NF1: variants seen among roughly 807,000 people sequenced by gnomAD.
NF1 encodes neurofibromin.
NF1 carries 122 observed loss-of-function variants against 325.7 expected under a neutral mutation model. That is an observed-to-expected ratio of 0.37 (90% CI 0.32 to 0.44). NF1 has a LOEUF of 0.44. Among genes scored for constraint, NF1 ranks in the 20% least tolerant of loss-of-function variants. The pLI is 1.00. For missense variants in NF1, 2,140 were observed against 3,415.4 expected, an observed-to-expected ratio of 0.63 and a Z score of 9.31; for synonymous variants, 1,091 against 1,186.0, an observed-to-expected ratio of 0.92 and a Z score of 1.65.
chr17:31,161,086 A>G (rs539919955), intron 3 of NF1, among the ~76,000 whole-genome samples: 18 of 152,344 alleles, frequency 1.2e-4, no homozygotes, highest in Middle Eastern at 6.8e-3. Context: ...CGGAGCTCAC[A>G]AGTATACGTT....
intron 29 of NF1, among the ~76,000 whole-genome samples, chr17:31,241,284 TG>T (rs2067292168): frequency 6.6e-6 from 1 of 152,198 alleles, no homozygotes; most frequent in African/African-American, 2.4e-5. Context: ...TATTTTTGTT[TG>T]TTTTTAATCC....
At chr17:31,249,939 GTCTC>G (rs935988369) in intron 30 of NF1, 8 of 487,192 alleles carry the variant, frequency 1.6e-5, no homozygotes, top group Non-Finnish European at 2.4e-5. Flanking sequence ...ATGTCTTTGT[GTCTC>G]TCTCTTTGCA....
At chr17:31,291,727 G>A (rs1216732533) in intron 36 of NF1, among the ~76,000 whole-genome samples, 1 of 152,188 alleles carries the variant, frequency 6.6e-6, no homozygotes, top group African/African-American at 2.4e-5. Flanking sequence ...GCACATATTT[G>A]TGATCTTTTA....
chr17:31,192,682 G>C (rs771508713), intron 8 of NF1, among the ~76,000 whole-genome samples: 1 of 152,230 alleles, frequency 6.6e-6, no homozygotes, highest in Non-Finnish European at 1.5e-5. Flanking sequence ...TCTATAGAAT[G>C]TGGATGTTTT....
In NF1 at chr17:31,337,815, T is replaced by C. The variant is rs1555534908; in HGVS notation, c.6643-4T>C. 6.2e-7 allele frequency: 1 copy of C among 1,613,732 alleles called. No homozygotes were observed. Among genetic ancestry groups the C allele is most frequent in the Non-Finnish European group, 8.5e-7 (1 of 1,179,692 alleles). ...ATATGTATTCAGAGTATCCCCTTTT[T>C]TAGGCATGCATGAGAGATATTCCAA... On this transcript the variant is annotated splice_region_variant and splice_polypyrimidine_tract_variant and intron_variant, in intron 43 of 57. Coordinates refer to ENST00000358273, the MANE Select transcript of NF1 (RefSeq NM_001042492.3).
chr17:31,245,275 G>T (rs2067370932), intron 29 of NF1, among the ~76,000 whole-genome samples: 1 of 152,164 alleles, frequency 6.6e-6, no homozygotes, highest in African/African-American at 2.4e-5. Flanking sequence ...TGTTCTCCCT[G>T]CATATAATCC....
At chr17:31,126,157 C>T (rs1415701773) in intron 1 of NF1, among the ~76,000 whole-genome samples, 1 of 151,822 alleles carries the variant, frequency 6.6e-6, no homozygotes, top group African/African-American at 2.4e-5. Context: ...CATTGCACTC[C>T]AGCCTGGGCA....
intron 1 of NF1, among the ~76,000 whole-genome samples, chr17:31,127,144 C>T (rs772628901): frequency 6.6e-6 from 1 of 150,712 alleles, no homozygotes; most frequent in South Asian, 2.1e-4. Context: ...GTTCGGCTCT[C>T]TCCTCTAGTG....
chr17:31,318,977 G>A, intron 36 of NF1: 1 of 1,612,328 alleles, frequency 6.2e-7, no homozygotes, highest in South Asian at 1.1e-5. Context: ...AAGGCAAGAT[G>A]TAGGTAATGT....
intron 36 of NF1, among the ~76,000 whole-genome samples, chr17:31,297,890 A>G (rs2068499212): frequency 6.6e-6 from 1 of 152,194 alleles, no homozygotes; most frequent in Non-Finnish European, 1.5e-5. Flanking sequence ...CATTTGACCA[A>G]GGCTACACAC....
At chr17:31,132,825 C>G (rs952258067) in intron 1 of NF1, among the ~76,000 whole-genome samples, 11 of 151,936 alleles carry the variant, frequency 7.2e-5, no homozygotes, top group African/African-American at 2.2e-4. Flanking sequence ...CGCCACCATG[C>G]CCGGCTAATT....
intron 1 of NF1, chr17:31,138,137 T>C (rs1021218166): frequency 6.6e-6 from 1 of 152,144 alleles, no homozygotes; most frequent in Non-Finnish European, 1.5e-5. Flanking sequence ...ATTTTTTTCT[T>C]TTTTTCACAT....
At chr17:31,318,401 G>T (rs994396487) in intron 36 of NF1, 1 of 1,613,946 alleles carries the variant, frequency 6.2e-7, no homozygotes, top group Non-Finnish European at 8.5e-7. Context: ...ACTAGGTTGG[G>T]TCCTGTGAGC....
chr17:31,239,794 C>T (rs1363221541), intron 29 of NF1, among the ~76,000 whole-genome samples: 9 of 152,108 alleles, frequency 5.9e-5, no homozygotes, highest in Admixed American at 5.9e-4. Flanking sequence ...CAGAGTTTCA[C>T]TCTTGTCGCC....
chr17:31,186,963 T>C (rs758606889), intron 8 of NF1, among the ~76,000 whole-genome samples: 1 of 152,244 alleles, frequency 6.6e-6, no homozygotes, highest in Non-Finnish European at 1.5e-5. Context: ...GTTGATTATA[T>C]TGGACCTCTT....
Position 31,375,344 on chromosome 17 carries a change from T to A in NF1, c.*1189T>A. 1 of 230,536 alleles carries A rather than the reference T, an allele frequency of 4.3e-6. No homozygotes were observed. The highest frequency in any genetic ancestry group is 8.6e-6 in the Non-Finnish European group (1 of 116,098). 14.3% of individuals were successfully genotyped at this position (230,536 alleles called of 1,614,324 possible). ...GTAGGTTATATATGCTAGAATTGCA[T>A]TTAATCACTGTGAAAAGACTGGTCA... On this transcript the variant is annotated 3_prime_UTR_variant, in exon 58 of 58. Transcript: ENST00000358273.
At chr17:31,177,585 A>G (rs534403152) in intron 5 of NF1, among the ~76,000 whole-genome samples, 2 of 152,190 alleles carry the variant, frequency 1.3e-5, no homozygotes, top group South Asian at 4.1e-4. Flanking sequence ...CTAAAAGAGC[A>G]TGTTCTAACC....
At chr17:31,156,238 A>T in intron 2 of NF1, 112 bp downstream of exon 2, 3 of 1,249,914 alleles carry the variant, frequency 2.4e-6, no homozygotes, top group Non-Finnish European at 1.2e-6. Flanking sequence ...TGGACTTTGG[A>T]TATAACCATT....
At chr17:31,106,533 A>T (rs1222819153) in intron 1 of NF1, among the ~76,000 whole-genome samples, 1 of 152,218 alleles carries the variant, frequency 6.6e-6, no homozygotes, top group Non-Finnish European at 1.5e-5. Context: ...TAGTTTTAAA[A>T]GTCTAAATTT....
Sources: allele counts gnomAD v4.1 joint callset (sites outside exome capture counted in the v4.1 genomes callset), GRCh38; gene constraint gnomAD v4.1.1; transcripts MANE v1.5; gene names NCBI Gene and HGNC (gene_info 2026-07-23, HGNC 2026-07-21).